Variants in MKRN2 observed in about 807,000 individuals in gnomAD.
MKRN2 encodes E3 ubiquitin-protein ligase makorin-2.
Under a neutral mutation model 45.4 loss-of-function variants are expected in MKRN2, and 32 were observed. That is an observed-to-expected ratio of 0.70 (90% CI 0.53 to 0.95). The LOEUF (loss-of-function observed/expected upper bound fraction) is 0.95, where lower values mean the gene tolerates loss of function less well. Ranked by LOEUF, MKRN2 falls within the 40% of genes least tolerant of loss-of-function variation. The pLI is 0.00. For missense variants in MKRN2, 526 were observed against 536.7 expected (o/e 0.98, Z 0.20); for synonymous variants, 206 against 192.4 (o/e 1.07, Z -0.59).
At chr3:12,580,754 C>A (rs188757449) in intron 6 of MKRN2, among the ~76,000 whole-genome samples, 1 of 152,208 alleles carries the variant, frequency 6.6e-6, no homozygotes, top group South Asian at 2.1e-4. Flanking sequence ...CCACCACACC[C>A]GGCCAGAGGG....
At chr3:12,568,678 T>G (rs763636683) in intron 1 of MKRN2, among the ~76,000 whole-genome samples, 197 bp from the exon 2 acceptor site, 1 of 152,222 alleles carries the variant, frequency 6.6e-6, no homozygotes, top group Non-Finnish European at 1.5e-5. Context: ...AGAAAAGCTG[T>G]CATTGAATCA....
chr3:12,574,393 G>A (rs1460584358), intron 4 of MKRN2, among the ~76,000 whole-genome samples: 1 of 152,220 alleles, frequency 6.6e-6, no homozygotes, highest in Non-Finnish European at 1.5e-5. Context: ...CAAGCCTCAT[G>A]GTAAGGACGA....
intron 2 of MKRN2, 95 bp downstream of exon 2, chr3:12,569,098 C>A (rs2058084362): frequency 2.9e-6 from 4 of 1,385,078 alleles, no homozygotes; most frequent in South Asian, 3.0e-5. Context: ...AGTAATATGG[C>A]AACATCACAA....
chr3:12,574,840 C>T lies in MKRN2; in HGVS notation c.691C>T (p.Gln231Ter), dbSNP rs1489585103. 1 of 1,614,178 alleles carries T rather than the reference C, an allele frequency of 6.2e-7. No homozygotes were observed. Residue 231 changes from glutamine to a stop codon, truncating the protein, a stop_gained, in exon 5 of 8, where the codon CAG becomes TAG. Transcript: ENST00000170447. LOFTEE classifies it high-confidence loss of function. ...CGAGATGGAAAAGGCCTTTGCCTTC[C>T]AGGCAAGCCAGGACAAAGTGTGCAG... is the stretch of plus-strand genomic sequence containing the variant. ...EHEMEKAFAF[Q>*]ASQDKVCSIC...
At chr3:12,581,269 G>C (rs2058176639) in intron 6 of MKRN2, among the ~76,000 whole-genome samples, 1 of 152,224 alleles carries the variant, frequency 6.6e-6, no homozygotes, top group African/African-American at 2.4e-5. Flanking sequence ...GCCCTCCCTG[G>C]TGCCGAGGTT....
intron 6 of MKRN2, among the ~76,000 whole-genome samples, chr3:12,581,315 AG>A (rs1212217614): frequency 2.6e-5 from 4 of 152,210 alleles, no homozygotes; most frequent in African/African-American, 9.6e-5. Flanking sequence ...CTATGGCTTT[AG>A]GCAGTTGCTA....
At chr3:12,559,624 C>T (rs1485712869) in intron 1 of MKRN2, among the ~76,000 whole-genome samples, 2 of 152,158 alleles carry the variant, frequency 1.3e-5, no homozygotes, top group Non-Finnish European at 2.9e-5. Context: ...ATGACAAAGA[C>T]ACTCCATGTT....
chr3:12,568,741 C>A, intron 1 of MKRN2, 134 bp from the exon 2 acceptor site: 1 of 1,148,194 alleles, frequency 8.7e-7, no homozygotes, highest in Admixed American at 2.8e-5. Flanking sequence ...ATATAGATCT[C>A]TCTCCAGTGC....
intron 6 of MKRN2, 192 bp downstream of exon 6, chr3:12,576,933 GTTTTTTTT>G: frequency 1.8e-5 from 1 of 55,070 alleles, no homozygotes; most frequent in Non-Finnish European, 3.1e-5. Flanking sequence ...TAGTTTTGGT[GTTTTTTTT>G]TTTTTTTTTT....
intron 2 of MKRN2, 90 bp downstream of exon 2, chr3:12,569,093 T>TA: frequency 7.0e-7 from 1 of 1,421,202 alleles, no homozygotes; most frequent in South Asian, 1.4e-5. Context: ...GTAAAAGTAA[T>TA]ATGGCAACAT....
intron 3 of MKRN2, among the ~76,000 whole-genome samples, chr3:12,570,559 A>T (rs1471404496): frequency 6.6e-6 from 1 of 152,108 alleles, no homozygotes; most frequent in Non-Finnish European, 1.5e-5. Context: ...AGCTGGTGAG[A>T]AGCATCAAGC....
At position 12,570,157 on chromosome 3, in the gene MKRN2, C is replaced by T; in HGVS notation, c.242C>T (p.Pro81Leu). ...GTGCCCTCCCCAGCTTTCCACAGTCCTCACCCTCCTTCCGAGGTCACTGCA... is the reference window on the plus strand; with the variant it reads ...GTGCCCTCCCCAGCTTTCCACAGTCTTCACCCTCCTTCCGAGGTCACTGCA... ...HSVPSPAFHS[P>L]HPPSEVTASI... is the part of the protein sequence containing the mutation. Residue 81 changes from proline (P) to leucine (L), a missense_variant, in exon 3 of 8, where the codon CCT becomes CTT. Physicochemically the swap from Pro to Leu is moderately conservative, Grantham distance 98 (BLOSUM62 -3). Transcript: ENST00000170447. 1 of 1,614,132 alleles carries T rather than the reference C, an allele frequency of 6.2e-7. No individual in the cohort carries two copies. Among genetic ancestry groups the T allele is most frequent in the East Asian group, 2.2e-5 (1 of 44,884 alleles).
intron 5 of MKRN2, 88 bp downstream of exon 5, chr3:12,575,094 C>A: frequency 8.1e-7 from 1 of 1,240,924 alleles, no homozygotes; most frequent in Non-Finnish European, 1.1e-6. Flanking sequence ...CCCTCCGTTA[C>A]CCTCAAGAGT....
At chr3:12,574,472 G>C (rs1005698327) in intron 4 of MKRN2, among the ~76,000 whole-genome samples, 5 of 152,250 alleles carry the variant, frequency 3.3e-5, no homozygotes, top group African/African-American at 1.2e-4. Flanking sequence ...TGGGGGACTA[G>C]GGCCGCAGTC....
chr3:12,574,177 A>C (rs1021006767), intron 4 of MKRN2, among the ~76,000 whole-genome samples: 3 of 152,152 alleles, frequency 2.0e-5, no homozygotes, highest in Admixed American at 2.0e-4. Flanking sequence ...TCTTTATGCA[A>C]GTGTGTGAGG....
chr3:12,565,766 C>T (rs186828500), intron 1 of MKRN2, among the ~76,000 whole-genome samples: 1 of 152,136 alleles, frequency 6.6e-6, no homozygotes, highest in Admixed American at 6.6e-5. Context: ...TCTCAAACTC[C>T]TGAGCTCAAG....
At chr3:12,575,224 G>A (rs1289404813) in intron 5 of MKRN2, among the ~76,000 whole-genome samples, 2 of 152,236 alleles carry the variant, frequency 1.3e-5, no homozygotes, top group East Asian at 3.9e-4. Context: ...TCTGGGTGTT[G>A]GGGAGGAACT....
rs750325629 is a variant in MKRN2 at position 12,582,242 on chromosome 3, T to C, written c.1240T>C (p.Ser414Pro). ...LFMHLSGVES[S>P]EP Reference sequence around the variant, plus strand: ...CATGCACCTTTCTGGAGTGGAATCATCAGAACCCTAAAGAGTAGATGGTTG... The same window carrying C: ...CATGCACCTTTCTGGAGTGGAATCACCAGAACCCTAAAGAGTAGATGGTTG... The change falls in exon 8 of 8, where the codon TCA becomes CCA. Residue 414 changes from serine (S) to proline (P), a missense_variant. Physicochemically the swap from Ser to Pro is moderately conservative, Grantham distance 74 (BLOSUM62 -1). Coordinates refer to ENST00000170447, the MANE Select transcript of MKRN2 (RefSeq NM_014160.5). 8.7e-6 allele frequency: 14 copies of C among 1,614,084 alleles called. No individual in the cohort carries two copies. In the South Asian group the frequency reaches 1.5e-4, roughly 18 times the overall value.
chr3:12,557,361 C>T (rs1223435756), intron 1 of MKRN2, among the ~76,000 whole-genome samples, 185 bp downstream of exon 1: 3 of 152,218 alleles, frequency 2.0e-5, no homozygotes, highest in African/African-American at 7.2e-5. Flanking sequence ...CCGGGGGATG[C>T]GTGGCCGAGA....
Sources: allele counts gnomAD v4.1 joint callset (sites outside exome capture counted in the v4.1 genomes callset), GRCh38; gene constraint gnomAD v4.1.1; transcripts MANE v1.5; gene names NCBI Gene and HGNC (gene_info 2026-07-23, HGNC 2026-07-21).